Variants in SAMD4A observed in about 807,000 individuals in gnomAD.
The protein encoded by SAMD4A is protein Smaug homolog 1.
Under a neutral mutation model 81.3 loss-of-function variants are expected in SAMD4A, and 33 were observed. The observed-to-expected ratio is 0.41, with a 90% CI of 0.31 to 0.54. SAMD4A has a LOEUF of 0.54. Among genes scored for constraint, SAMD4A ranks in the 20% least tolerant of loss-of-function variants. The pLI is 0.37. For synonymous variants in SAMD4A, 389 were observed against 382.1 expected (o/e 1.02, Z -0.21); for missense variants, 854 against 951.1 (o/e 0.90, Z 1.34).
At chr14:54,664,397 C>T (rs1297769351) in intron 2 of SAMD4A, among the ~76,000 whole-genome samples, 1 of 152,138 alleles carries the variant, frequency 6.6e-6, no homozygotes, top group Non-Finnish European at 1.5e-5. Flanking sequence ...TAAAGTATAC[C>T]TGTCTAATGA....
chr14:54,730,901 C>T (rs939553709), intron 3 of SAMD4A, among the ~76,000 whole-genome samples: 5 of 152,180 alleles, frequency 3.3e-5, no homozygotes, highest in African/African-American at 4.8e-5. Flanking sequence ...ACCACAAAAC[C>T]AACTAAAGAA....
chr14:54,588,008 C>G (rs562966793), intron 2 of SAMD4A, among the ~76,000 whole-genome samples: 1 of 152,066 alleles, frequency 6.6e-6, no homozygotes, highest in South Asian at 2.1e-4. Flanking sequence ...GAACCTGTCT[C>G]GTCCTGGACT....
At chr14:54,758,218 A>T (rs1267167323) in intron 6 of SAMD4A, among the ~76,000 whole-genome samples, 1 of 152,186 alleles carries the variant, frequency 6.6e-6, no homozygotes, top group Admixed American at 6.5e-5. Context: ...CTTCGTGCCA[A>T]CTAGGCTAAG....
At chr14:54,738,194 A>G (rs542089452) in intron 4 of SAMD4A, among the ~76,000 whole-genome samples, 1 of 152,344 alleles carries the variant, frequency 6.6e-6, no homozygotes, top group East Asian at 1.9e-4. Context: ...GCTGGCATTA[A>G]TAGTCCTGAG....
At chr14:54,597,656 C>A (rs543857502) in intron 2 of SAMD4A, among the ~76,000 whole-genome samples, 1 of 140,582 alleles carries the variant, frequency 7.1e-6, no homozygotes, top group Non-Finnish European at 1.5e-5. Context: ...GTGGCATGAT[C>A]ATGGCTCACT....
At chr14:54,777,096 C>T (rs567800326) in intron 11 of SAMD4A, among the ~76,000 whole-genome samples, 1 of 152,322 alleles carries the variant, frequency 6.6e-6, no homozygotes, top group East Asian at 1.9e-4. Flanking sequence ...CTAATGAATA[C>T]TTGAACCCTT....
chr14:54,784,973 G>C (rs1249373457), intron 12 of SAMD4A, among the ~76,000 whole-genome samples: 1 of 152,238 alleles, frequency 6.6e-6, no homozygotes, highest in African/African-American at 2.4e-5. Context: ...TCAGGGACAT[G>C]AGACATGGCT....
At chr14:54,778,627 A>T (rs554978762) in intron 11 of SAMD4A, among the ~76,000 whole-genome samples, 23 of 152,232 alleles carry the variant, frequency 1.5e-4, no homozygotes, top group South Asian at 1.0e-3. Flanking sequence ...TGTTTTTTTT[A>T]AAATCTCTCA....
intron 6 of SAMD4A, among the ~76,000 whole-genome samples, chr14:54,752,874 C>T (rs1376482861): frequency 6.6e-6 from 1 of 152,154 alleles, no homozygotes; most frequent in African/African-American, 2.4e-5. Flanking sequence ...ATAGAATCTA[C>T]ATCATAATTA....
At chr14:54,774,758 G>C (rs574861107) in intron 9 of SAMD4A, among the ~76,000 whole-genome samples, 176 bp from the exon 10 acceptor site, 1 of 148,282 alleles carries the variant, frequency 6.7e-6, no homozygotes. Context: ...AGGCTGCAGT[G>C]AGCCTAGATC....
intron 2 of SAMD4A, among the ~76,000 whole-genome samples, chr14:54,585,803 G>A (rs1384990659): frequency 2.0e-5 from 3 of 152,036 alleles, no homozygotes; most frequent in Admixed American, 2.0e-4. Context: ...AGTATTTCAT[G>A]ACGTATATAT....
chr14:54,624,745 TG>T (rs1302779047), intron 2 of SAMD4A, among the ~76,000 whole-genome samples: 3 of 152,178 alleles, frequency 2.0e-5, no homozygotes, highest in Non-Finnish European at 4.4e-5. Context: ...ATAATTACTT[TG>T]TAATATAAAG....
At chr14:54,716,966 TGAG>T (rs1435156789) in intron 3 of SAMD4A, among the ~76,000 whole-genome samples, 1 of 152,142 alleles carries the variant, frequency 6.6e-6, no homozygotes, top group African/African-American at 2.4e-5. Flanking sequence ...GAGAACTTGC[TGAG>T]GAGAGACATT....
intron 11 of SAMD4A, among the ~76,000 whole-genome samples, chr14:54,783,916 G>A (rs186539058): frequency 7.6e-4 from 116 of 152,358 alleles, no homozygotes; most frequent in African/African-American, 2.1e-3. Context: ...AGCACTCAGC[G>A]GGGTCAGGGG....
At chr14:54,710,428 A>G (rs981918786) in intron 3 of SAMD4A, among the ~76,000 whole-genome samples, 13 of 152,196 alleles carry the variant, frequency 8.5e-5, no homozygotes, top group Admixed American at 8.5e-4. Context: ...TTAACAGCTA[A>G]GGGAACTGGA....
At chr14:54,648,574 T>C (rs1237218081) in intron 2 of SAMD4A, among the ~76,000 whole-genome samples, 2 of 152,240 alleles carry the variant, frequency 1.3e-5, no homozygotes, top group African/African-American at 4.8e-5. Flanking sequence ...ATTTAATTCA[T>C]GTGCACAGAT....
intron 9 of SAMD4A, 118 bp downstream of exon 9, chr14:54,770,340 T>C: frequency 1.4e-6 from 1 of 712,496 alleles, no homozygotes; most frequent in African/African-American, 1.8e-5. Flanking sequence ...GAAGATGCCC[T>C]GTGGCGAGTT....
intron 2 of SAMD4A, among the ~76,000 whole-genome samples, chr14:54,581,259 A>G (rs1487383618): frequency 6.6e-6 from 1 of 152,268 alleles, no homozygotes; most frequent in Non-Finnish European, 1.5e-5. Context: ...TTCTCAAAGT[A>G]CCAGTTGAAA....
chr14:54,772,432 G>T (rs961448703), intron 9 of SAMD4A, among the ~76,000 whole-genome samples: 3 of 152,044 alleles, frequency 2.0e-5, no homozygotes, highest in African/African-American at 7.2e-5. Flanking sequence ...ACCCTCGAAG[G>T]GTCCCATCAG....
Sources: gnomAD v4.1 joint callset for allele counts (sites outside exome capture counted in the v4.1 genomes callset) on GRCh38, gnomAD v4.1.1 for gene constraint, MANE v1.5 for transcripts, NCBI Gene and HGNC (gene_info 2026-07-23, HGNC 2026-07-21) for gene names.